Variants in TCF20 observed in about 807,000 individuals in gnomAD.
TCF20 encodes the protein SPRE-binding protein.
Under a neutral mutation model 148.6 loss-of-function variants are expected in TCF20, and 3 were observed. That is an observed-to-expected ratio of 0.02 (90% CI 0.01 to 0.05). The LOEUF (loss-of-function observed/expected upper bound fraction) is 0.05, where lower values mean the gene tolerates loss of function less well. TCF20 is among the 10% of genes least tolerant of loss of function. The probability of loss-of-function intolerance (pLI) is 1.00; values close to 1 mark genes in which losing one functional copy is unlikely to be tolerated. For missense variants in TCF20, 2,350 were observed against 2,429.3 expected, an observed-to-expected ratio of 0.97 and a Z score of 0.69; for synonymous variants, 1,049 against 909.5, an observed-to-expected ratio of 1.15 and a Z score of -2.76.
intron 1 of TCF20, among the ~76,000 whole-genome samples, chr22:42,242,230 GA>G (rs1482500861): frequency 1.0e-5 from 1 of 99,798 alleles, no homozygotes; most frequent in African/African-American, 4.7e-5. Flanking sequence ...AAAAAAAACA[GA>G]AAAGAAAGGG....
upstream of TCF20, among the ~76,000 whole-genome samples, chr22:42,284,537 G>A (rs1286938301): frequency 6.6e-6 from 1 of 152,230 alleles, no homozygotes; most frequent in Non-Finnish European, 1.5e-5. Context: ...GGGATGTGAG[G>A]CCAGCAAAGT....
intron 2 of TCF20, among the ~76,000 whole-genome samples, chr22:42,188,321 T>C (rs1224912931): frequency 2.9e-4 from 10 of 34,706 alleles, no homozygotes; most frequent in Non-Finnish European, 6.3e-4. Context: ...AAAAAAAAAA[T>C]CCAGATTCTC....
At chr22:42,239,094 G>A (rs1423702334) in intron 1 of TCF20, among the ~76,000 whole-genome samples, 1 of 151,902 alleles carries the variant, frequency 6.6e-6, no homozygotes, top group Non-Finnish European at 1.5e-5. Flanking sequence ...CTCCAGCCTG[G>A]GCGACAGAGC....
Position 42,212,018 on chromosome 22 carries a change from C to A in TCF20, c.3288G>T (p.Glu1096Asp), listed in dbSNP as rs139144545. 1 of 1,614,202 alleles carries A rather than the reference C, an allele frequency of 6.2e-7. No individual in the cohort carries two copies. The highest frequency in any genetic ancestry group is 1.3e-5 in the African/African-American group (1 of 75,048). ...CAGAACCGCTGCTCCAGTCTTTATA[C>A]TCCTCTGGTTGCTGTTGGTACATCT... ...KRQMYQQQPE[E>D]YKDWSSGSAQ... is the part of the protein sequence containing the mutation. Residue 1096 changes from glutamate (E) to aspartate (D), a missense_variant, in exon 2 of 6, where the codon GAG (glutamate) becomes GAT (aspartate). Physicochemically the swap from Glu to Asp is conservative, Grantham distance 45. Transcript: ENST00000677622.
intron 4 of TCF20, among the ~76,000 whole-genome samples, chr22:42,169,506 C>G (rs559109712): frequency 3.9e-5 from 6 of 152,368 alleles, no homozygotes; most frequent in African/African-American, 1.4e-4. Flanking sequence ...ACTTACCAAA[C>G]GCCAACCTGT....
chr22:42,201,887 C>T (rs1283400916), intron 2 of TCF20, among the ~76,000 whole-genome samples: 1 of 152,268 alleles, frequency 6.6e-6, no homozygotes, highest in South Asian at 2.1e-4. Context: ...AATGCTTTTA[C>T]TTAACATGCA....
At chr22:42,227,308 A>T (rs1046460700) in intron 1 of TCF20, among the ~76,000 whole-genome samples, 3 of 152,178 alleles carry the variant, frequency 2.0e-5, no homozygotes, top group East Asian at 3.8e-4. Context: ...ATTACTTCAA[A>T]TGTACAGAAA....
In TCF20 at chr22:42,211,544, C is replaced by T; in HGVS notation, c.3762G>A (p.Arg1254=). 3 of 1,614,236 alleles carry T rather than the reference C, an allele frequency of 1.9e-6. No individual in the cohort carries two copies. Among genetic ancestry groups the T allele is most frequent in the Middle Eastern group, 1.6e-4 (1 of 6,062 alleles). ...DHSSQNPLIM[R]RRVRSFISPI... The stretch of plus-strand genomic sequence containing the variant: ...GAGAGATAAAAGAACGAACACGCCT[C>T]CTCATGATTAAGGGGTTTTGAGAAG... Residue 1254 remains arginine, a synonymous_variant, in exon 2 of 6, where the codon AGG becomes AGA. Transcript: ENST00000677622.
chr22:42,335,050 T>C (rs973840418), intron 1 of TCF20, among the ~76,000 whole-genome samples: 3 of 152,146 alleles, frequency 2.0e-5, no homozygotes, highest in African/African-American at 7.2e-5. Flanking sequence ...ACTTTCGTTC[T>C]GCATACGCTC....
chr22:42,278,439 C>A (rs1258788753), intron 1 of TCF20: 1 of 152,246 alleles, frequency 6.6e-6, no homozygotes, highest in Non-Finnish European at 1.5e-5. Context: ...CTAGAAATTT[C>A]TTTGAAAACT....
In TCF20 at chr22:42,212,434, G is replaced by C; in HGVS notation, c.2872C>G (p.His958Asp). Residue 958 changes from histidine (H) to aspartate (D), a missense_variant, in exon 2 of 6, where the codon CAT becomes GAT. Transcript: ENST00000677622. ...GDHCHPPSIK[H>D]ESYRGNASPG... ...CTGGCATTGCCGCGGTAAGACTCAT[G>C]CTTGATGCTAGGAGGATGGCAGTGG... 6.2e-7 allele frequency: 1 copy of C among 1,614,236 alleles called. No individual in the cohort carries two copies. Among genetic ancestry groups the C allele is most frequent in the Non-Finnish European group, 8.5e-7 (1 of 1,180,044 alleles).
intron 1 of TCF20, among the ~76,000 whole-genome samples, chr22:42,223,170 C>T (rs148184127): frequency 6.6e-6 from 1 of 152,044 alleles, no homozygotes; most frequent in Non-Finnish European, 1.5e-5. Context: ...TAAATAATTG[C>T]CATTTATTTA....
intron 1 of TCF20, among the ~76,000 whole-genome samples, chr22:42,238,102 C>T: frequency 6.6e-6 from 1 of 152,200 alleles, no homozygotes; most frequent in East Asian, 1.9e-4. Flanking sequence ...CATAAGGCTA[C>T]ACTGAATATC....
In TCF20 at chr22:42,299,450, C is replaced by T. The variant is rs569154232; in HGVS notation, c.-37+44029G>A. 2.0e-5 allele frequency among the ~76,000 whole-genome samples: 3 copies of T among 152,246 alleles called. No individual in the cohort carries two copies. Among genetic ancestry groups the T allele is most frequent in the Admixed American group, 6.5e-5 (1 of 15,284 alleles). On this transcript the variant is annotated intron_variant, in intron 1 of 1. Coordinates refer to the TCF20 transcript ENST00000515426. The surrounding 1 kb of genome is among the most constrained non-coding windows in gnomAD (Gnocchi z 4.1). The stretch of plus-strand genomic sequence containing the variant: ...CCACTCCTAGCCAACCTCCAATGCC[C>T]TGGGGCCTCAATTTCCCCCAGGACA...
At chr22:42,238,633 G>C (rs1924094167) in intron 1 of TCF20, among the ~76,000 whole-genome samples, 1 of 152,144 alleles carries the variant, frequency 6.6e-6, no homozygotes, top group African/African-American at 2.4e-5. Flanking sequence ...ACATTTAATG[G>C]TCATGATCAG....
rs142735045 is a variant in TCF20 at position 42,243,063 on chromosome 22, C to T, written c.-37+27276G>A. Among the ~76,000 whole-genome samples, 1,305 of 151,820 alleles carry T rather than the reference C, an allele frequency of 8.6e-3. 15 individuals carry two copies. The highest frequency in any genetic ancestry group is 0.03 in the African/African-American group (1,242 of 41,360). On this transcript the variant is annotated intron_variant, in intron 1 of 5. Coordinates refer to ENST00000677622, the MANE Select transcript of TCF20 (RefSeq NM_001378418.1). Reference sequence around the variant, plus strand: ...AAGGGAAGAGGGGGAAGGATGAATACGGAGAGAGTACAGGTGACTCCTGGG... The same window carrying T: ...AAGGGAAGAGGGGGAAGGATGAATATGGAGAGAGTACAGGTGACTCCTGGG...
chr22:42,209,261 G>C (rs1920922680), intron 2 of TCF20, among the ~76,000 whole-genome samples: 1 of 152,152 alleles, frequency 6.6e-6, no homozygotes, highest in Admixed American at 6.5e-5. Flanking sequence ...TAAGAATGAG[G>C]AAGAAATGGG....
At chr22:42,315,656 G>A (rs1014979856) in intron 1 of TCF20, among the ~76,000 whole-genome samples, 1 of 152,150 alleles carries the variant, frequency 6.6e-6, no homozygotes, top group Non-Finnish European at 1.5e-5. Flanking sequence ...GGAAGCCTAG[G>A]GGGCCAGAGA....
chr22:42,342,257 C>G (rs760119137), intron 1 of TCF20, among the ~76,000 whole-genome samples: 1 of 152,104 alleles, frequency 6.6e-6, no homozygotes, highest in Admixed American at 6.5e-5. Context: ...GGGGCCGGTA[C>G]GTCCAGGGCA....
Sources: gnomAD v4.1 joint callset for allele counts (sites outside exome capture counted in the v4.1 genomes callset) on GRCh38, gnomAD v4.1.1 for gene constraint, Gnocchi (gnomAD v3.1) non-coding constraint, MANE v1.5 for transcripts, NCBI Gene and HGNC (gene_info 2026-07-23, HGNC 2026-07-21) for gene names.